The following RASAL2 variants were observed in gnomAD, a reference collection of about 807,000 sequenced individuals.
RASAL2 encodes ras GTPase-activating protein nGAP.
In RASAL2, 58 loss-of-function variants were observed where a neutral mutation model predicts 128.9. The ratio of observed to expected loss-of-function variants is 0.45; its 90% CI spans 0.36 to 0.56. The LOEUF (loss-of-function observed/expected upper bound fraction) is 0.56, where lower values mean the gene tolerates loss of function less well. Among genes scored for constraint, RASAL2 ranks in the 20% least tolerant of loss-of-function variants. The pLI is 0.00. For missense variants in RASAL2, 1,360 were observed against 1,601.6 expected (o/e 0.85, Z 2.57); for synonymous variants, 561 against 580.8 (o/e 0.97, Z 0.49).
chr1:178,389,203 G>A, intron 3 of RASAL2: 1 of 880,210 alleles, frequency 1.1e-6, no homozygotes, highest in Non-Finnish European at 1.4e-6. Flanking sequence ...TTAGGATGTG[G>A]CTTTTTTTTC....
At chr1:178,106,921 T>C (rs1044173019) in intron 1 of RASAL2, among the ~76,000 whole-genome samples, 3 of 152,222 alleles carry the variant, frequency 2.0e-5, no homozygotes, top group African/African-American at 4.8e-5. Flanking sequence ...ATCTATTAGC[T>C]GATCATCTTT....
chr1:178,284,199 C>A (rs1666914199), intron 2 of RASAL2, among the ~76,000 whole-genome samples: 1 of 152,182 alleles, frequency 6.6e-6, no homozygotes, highest in Non-Finnish European at 1.5e-5. Context: ...AGTGATGTTT[C>A]TGGAACCTAG....
At chr1:178,159,854 G>A (rs547038241) in intron 1 of RASAL2, among the ~76,000 whole-genome samples, 13 of 152,050 alleles carry the variant, frequency 8.5e-5, no homozygotes, top group Admixed American at 2.0e-4. Flanking sequence ...GCAGTGAGTC[G>A]AGATCGCGAC....
intron 1 of RASAL2, among the ~76,000 whole-genome samples, chr1:178,183,593 A>T (rs1235482056): frequency 6.6e-6 from 1 of 152,228 alleles, no homozygotes; most frequent in Non-Finnish European, 1.5e-5. Flanking sequence ...TAGAGTATGT[A>T]GACTTCTCAA....
intron 9 of RASAL2, 32 bp from the exon 10 acceptor site, chr1:178,451,539 T>C: frequency 6.2e-7 from 1 of 1,605,792 alleles, no homozygotes; most frequent in South Asian, 1.1e-5. Context: ...ACACTGTTTA[T>C]AGCTATACCG....
intron 1 of RASAL2, among the ~76,000 whole-genome samples, chr1:178,142,619 T>C (rs1035855305): frequency 6.6e-6 from 1 of 152,106 alleles, no homozygotes; most frequent in Admixed American, 6.5e-5. Flanking sequence ...TTTTAGATGT[T>C]GTTTGAGTGT....
chr1:178,309,006 C>CT (rs2102296177), intron 3 of RASAL2, among the ~76,000 whole-genome samples: 1 of 152,062 alleles, frequency 6.6e-6, no homozygotes, highest in East Asian at 1.9e-4. Flanking sequence ...ATATTCTTTC[C>CT]TTTATAAAAT....
At chr1:178,115,870 A>T (rs1401031671) in intron 1 of RASAL2, among the ~76,000 whole-genome samples, 1 of 151,900 alleles carries the variant, frequency 6.6e-6, no homozygotes, top group Non-Finnish European at 1.5e-5. Context: ...GTTAATATTA[A>T]TAAGACTTGG....
At chr1:178,111,839 C>G (rs1659335430) in intron 1 of RASAL2, among the ~76,000 whole-genome samples, 1 of 152,156 alleles carries the variant, frequency 6.6e-6, no homozygotes, top group African/African-American at 2.4e-5. Context: ...AAGCGATTCT[C>G]CCACCTCAGC....
At chr1:178,227,048 T>C (rs1663817164) in intron 1 of RASAL2, among the ~76,000 whole-genome samples, 1 of 152,110 alleles carries the variant, frequency 6.6e-6, no homozygotes. Context: ...CTGCCTGAGT[T>C]CTCCACATGT....
chr1:178,239,893 G>A (rs974301282), intron 1 of RASAL2, among the ~76,000 whole-genome samples: 2 of 151,974 alleles, frequency 1.3e-5, no homozygotes, highest in Admixed American at 6.5e-5. Context: ...CTGAAATAAG[G>A]TAATAAAGGT....
Position 178,454,530 on chromosome 1 carries a change from A to G in RASAL2, c.2093A>G (p.Glu698Gly). The change falls in exon 12 of 18, where the codon GAG becomes GGG. Residue 698 changes from glutamate to glycine, a missense_variant. Glu to Gly is a moderately conservative substitution (Grantham distance 98, BLOSUM62 -2). This residue lies in a region of RASAL2 where 741 missense variants were observed against 868.6 expected (regional missense o/e 0.85). Transcript: ENST00000367649. Reference sequence around the variant, plus strand: ...GGTGGAATGAAGCGCTTTCTTTTGGAGATCTCTAATCCAGACACCATCTCA... The same window carrying G: ...GGTGGAATGAAGCGCTTTCTTTTGGGGATCTCTAATCCAGACACCATCTCA... ...EWGGMKRFLL[E>G]ISNPDTISNT... 6.2e-7 allele frequency: 1 copy of G among 1,613,716 alleles called. No homozygotes were observed. Among genetic ancestry groups the G allele is most frequent in the Non-Finnish European group, 8.5e-7 (1 of 1,179,662 alleles).
intron 1 of RASAL2, among the ~76,000 whole-genome samples, chr1:178,152,399 G>A (rs1005796417): frequency 6.6e-6 from 1 of 152,176 alleles, no homozygotes; most frequent in Non-Finnish European, 1.5e-5. Flanking sequence ...ACAGTGTTTT[G>A]TGAGTCATTC....
chr1:178,122,054 G>A (rs1005812359), intron 1 of RASAL2, among the ~76,000 whole-genome samples: 4 of 151,942 alleles, frequency 2.6e-5, no homozygotes, highest in Non-Finnish European at 4.4e-5. Flanking sequence ...AGACTGCCTC[G>A]TTTTTATTTA....
intron 1 of RASAL2, among the ~76,000 whole-genome samples, chr1:178,233,509 G>A (rs1418490303): frequency 6.6e-6 from 1 of 152,194 alleles, no homozygotes. Flanking sequence ...AGTTTTAGGT[G>A]GAAAGGGAAC....
intron 1 of RASAL2, among the ~76,000 whole-genome samples, chr1:178,136,756 C>CAAAAAAAA (rs397982072): frequency 1.2e-3 from 56 of 47,210 alleles, no homozygotes; most frequent in African/African-American, 3.8e-3. Context: ...GACTCTGTCT[C>CAAAAAAAA]AAAAAAAAAA....
chr1:178,137,429 G>A (rs1660367269), intron 1 of RASAL2, among the ~76,000 whole-genome samples: 1 of 152,120 alleles, frequency 6.6e-6, no homozygotes, highest in Non-Finnish European at 1.5e-5. Context: ...TTTGAAGTTA[G>A]TTCTACTGTC....
chr1:178,204,239 G>C (rs1284338755), intron 1 of RASAL2, among the ~76,000 whole-genome samples: 2 of 152,142 alleles, frequency 1.3e-5, no homozygotes, highest in Non-Finnish European at 1.5e-5. Context: ...GTTGTACGAA[G>C]GATAGTTGTA....
intron 3 of RASAL2, among the ~76,000 whole-genome samples, chr1:178,356,360 A>T (rs1663153524): frequency 6.6e-6 from 1 of 152,126 alleles, no homozygotes; most frequent in Non-Finnish European, 1.5e-5. Context: ...ATTGAAAGTA[A>T]TGCTAACCCA....
Sources: allele counts gnomAD v4.1 joint callset (sites outside exome capture counted in the v4.1 genomes callset), GRCh38; gene constraint gnomAD v4.1.1; regional missense constraint gnomAD v4.1.1; transcripts MANE v1.5; gene names NCBI Gene and HGNC (gene_info 2026-07-23, HGNC 2026-07-21).